The following GPN3 variants were observed in gnomAD, a reference collection of about 807,000 sequenced individuals.
GPN3 encodes the protein GPN-loop GTPase 3.
A neutral mutation model predicts 38.7 loss-of-function variants in GPN3; 31 were observed. The observed-to-expected ratio is 0.80, with a 90% confidence interval of 0.60 to 1.08. The LOEUF (loss-of-function observed/expected upper bound fraction) is 1.08. Among genes scored for constraint, GPN3 ranks in the 50% least tolerant of loss-of-function variants. The pLI is 0.00. For missense variants in GPN3, 301 were observed against 354.4 expected, an observed-to-expected ratio of 0.85 and a Z score of 1.21; for synonymous variants, 116 against 120.2, an observed-to-expected ratio of 0.96 and a Z score of 0.23.
intron 2 of GPN3, among the ~76,000 whole-genome samples, chr12:110,460,393 T>G (rs1004256088): frequency 6.6e-6 from 1 of 152,182 alleles, no homozygotes; most frequent in Non-Finnish European, 1.5e-5. Flanking sequence ...GAATATGTAT[T>G]ACCTATTCCA....
intron 2 of GPN3, chr12:110,461,251 G>A: frequency 1.5e-6 from 2 of 1,330,664 alleles, no homozygotes; most frequent in Non-Finnish European, 2.2e-6. Context: ...GTGTGCAGCT[G>A]TCCAGAAAAC....
intron 1 of GPN3, among the ~76,000 whole-genome samples, chr12:110,465,763 T>C (rs112608050): frequency 2.2e-4 from 33 of 152,198 alleles, no homozygotes; most frequent in African/African-American, 7.2e-4. Flanking sequence ...TTATCCATTA[T>C]GTAGTTGTTA....
At chr12:110,464,389 T>C (rs2062612231) in intron 2 of GPN3, among the ~76,000 whole-genome samples, 1 of 152,108 alleles carries the variant, frequency 6.6e-6, no homozygotes, top group Non-Finnish European at 1.5e-5. Context: ...GGATAATGTC[T>C]GTATTATTCT....
At chr12:110,466,739 G>A (rs2062631007) in intron 1 of GPN3, among the ~76,000 whole-genome samples, 1 of 152,108 alleles carries the variant, frequency 6.6e-6, no homozygotes, top group Non-Finnish European at 1.5e-5. Flanking sequence ...CAAGTGATCT[G>A]CTGGCCTCAG....
At chr12:110,461,105 A>G (rs2062584889) in intron 2 of GPN3, 1 of 1,402,822 alleles carries the variant, frequency 7.1e-7, no homozygotes, top group African/African-American at 1.4e-5. Context: ...GGGCTTCAAG[A>G]AGCGTGCCCC....
rs1386915424 is a variant in GPN3, at chr12:110,468,248, G to A, written c.-45C>T. On this transcript the variant is annotated 5_prime_UTR_variant, in exon 1 of 8. Transcript: ENST00000228827. Reference sequence around the variant, plus strand: ...CGCCACACTCCCTTAGCCTTCGCGCGACGCCCACTGAGCTCCGGGAAAGTG... The same window carrying A: ...CGCCACACTCCCTTAGCCTTCGCGCAACGCCCACTGAGCTCCGGGAAAGTG... 2 of 1,604,870 alleles carry A rather than the reference G, an allele frequency of 1.2e-6. No homozygotes were observed. The highest frequency in any genetic ancestry group is 2.2e-5 in the East Asian group (1 of 44,886).
At chr12:110,457,457 CAAAAAAAA>C (rs56713819) in intron 4 of GPN3, 45 bp downstream of exon 4, 146 of 590,490 alleles carry the variant, frequency 2.5e-4, no homozygotes, top group African/African-American at 6.0e-4. Flanking sequence ...GTCACACACA[CAAAAAAAA>C]AAAAAAAAAA....
At position 110,465,244 on chromosome 12, in the gene GPN3, A is replaced by G. The variant is rs1185961005; in HGVS notation, c.49-30T>C. The G allele has an allele frequency of 2.5e-6, 3 of 1,209,160 alleles. No individual in the cohort carries two copies. The African/African-American group carries it at 4.5e-5, about 18-fold the overall frequency. The allele number at this position is 1,209,160 out of a possible 1,614,324, so 74.9% of individuals were successfully genotyped here. ...AATGTCACAAGGCATGAGAGGTTAA[A>G]GCAACAGGTAGTGTAGTGCTACCTT... On this transcript the variant is annotated intron_variant, in intron 1 of 7. Coordinates refer to ENST00000228827, the MANE Select transcript of GPN3 (RefSeq NM_016301.4).
chr12:110,467,990 C>T, intron 1 of GPN3, 166 bp downstream of exon 1: 1 of 974,154 alleles, frequency 1.0e-6, no homozygotes, highest in Non-Finnish European at 1.6e-6. Context: ...CATTATTTCC[C>T]TTTCAAAACA....
chr12:110,456,444 T>C (rs1253022559), intron 4 of GPN3, among the ~76,000 whole-genome samples: 1 of 151,922 alleles, frequency 6.6e-6, no homozygotes, highest in Non-Finnish European at 1.5e-5. Context: ...TCCCAAATCA[T>C]TGGGAATCAA....
intron 6 of GPN3, among the ~76,000 whole-genome samples, chr12:110,454,979 C>T (rs147741938): frequency 3.9e-5 from 6 of 151,950 alleles, no homozygotes; most frequent in Admixed American, 6.6e-5. Context: ...TGCACCACCA[C>T]GCCTGGCTAA....
Position 110,457,558 on chromosome 12 carries a change from G to A in GPN3, c.402C>T (p.Val134=). The A allele has an allele frequency of 6.2e-7, 1 of 1,601,862 alleles. No homozygotes were observed. The highest frequency in any genetic ancestry group is 2.3e-5 in the East Asian group (1 of 44,184). The change falls in exon 4 of 8, where the codon GTC becomes GTT. Residue 134 remains valine, a synonymous_variant. Coordinates refer to ENST00000228827, the MANE Select transcript of GPN3 (RefSeq NM_016301.4). ...VQQLEQWEFR[V]CGVFLVDSQF... is the part of the protein sequence containing the mutation. ...GAGAATCAACAAGAAAAACTCCACAGACTCGGAACTCCCACTGCTCGAGCT... is the reference window on the plus strand; with the variant it reads ...GAGAATCAACAAGAAAAACTCCACAAACTCGGAACTCCCACTGCTCGAGCT...
intron 2 of GPN3, among the ~76,000 whole-genome samples, chr12:110,460,719 C>A (rs756200483): frequency 1.4e-4 from 21 of 152,166 alleles, no homozygotes; most frequent in Non-Finnish European, 2.8e-4. Context: ...GTAATCCCAG[C>A]ACTTTGGGAG....
rs199634456 is a variant in GPN3 at position 110,453,728 on chromosome 12, C to T, written c.792+15G>A. On this transcript the variant is annotated intron_variant, in intron 7 of 7. Transcript: ENST00000228827. Reference sequence around the variant, plus strand: ...TTTTATCAAAAGCTAACAAACACCCCAAACCAGAAATTACCTTTGGTTCTT... The same window carrying T: ...TTTTATCAAAAGCTAACAAACACCCTAAACCAGAAATTACCTTTGGTTCTT... 1.7e-4 allele frequency: 279 copies of T among 1,603,330 alleles called. 2 individuals carry two copies. In the Middle Eastern group the frequency reaches 3.2e-3, roughly 18 times the overall value.
Position 110,452,972 on chromosome 12 carries a change from A to C in GPN3, c.*62T>G. 1.2e-6 allele frequency: 1 copy of C among 805,322 alleles called. No homozygotes were observed. Among genetic ancestry groups the C allele is most frequent in the Non-Finnish European group, 2.3e-6 (1 of 441,928 alleles). 49.9% of individuals were successfully genotyped at this position (805,322 alleles called of 1,614,324 possible). Reference sequence around the variant, plus strand: ...AGCTTTCTACTATTGCATCCTTTGAAGAGAAGAATGTTCTGCTGGTTTGGC... The same window carrying C: ...AGCTTTCTACTATTGCATCCTTTGACGAGAAGAATGTTCTGCTGGTTTGGC... On this transcript the variant is annotated 3_prime_UTR_variant, in exon 8 of 8. Transcript: ENST00000228827.
At chr12:110,466,957 C>T (rs1277024407) in intron 1 of GPN3, among the ~76,000 whole-genome samples, 1 of 151,740 alleles carries the variant, frequency 6.6e-6, no homozygotes, top group Non-Finnish European at 1.5e-5. Context: ...AGACTGAGGC[C>T]ACACAACACC....
intron 3 of GPN3, among the ~76,000 whole-genome samples, chr12:110,459,247 T>TG (rs1330003557): frequency 6.6e-6 from 1 of 151,810 alleles, no homozygotes; most frequent in African/African-American, 2.4e-5. Flanking sequence ...TTTGTTTTTT[T>TG]TTTTTGTTTT....
chr12:110,455,935 A>T lies in GPN3; in HGVS notation c.451-5T>A. 1 of 1,440,712 alleles carries T rather than the reference A, an allele frequency of 6.9e-7. No homozygotes were observed. The highest frequency in any genetic ancestry group is 9.8e-7 in the Non-Finnish European group (1 of 1,022,406). The allele number at this position is 1,440,712 out of a possible 1,614,324, so 89.2% of individuals were successfully genotyped here. On this transcript the variant is annotated splice_polypyrimidine_tract_variant and splice_region_variant and intron_variant, in intron 4 of 7. Transcript: ENST00000228827. ...TGCCAAGATGCCAGAAATAAACTGA[A>T]GGAGGAAACAGAAAAGGGAAGATGA...
At chr12:110,457,485 A>T (rs1342011306) in intron 4 of GPN3, 25 bp downstream of exon 4, 2 of 1,234,218 alleles carry the variant, frequency 1.6e-6, no homozygotes, top group East Asian at 2.9e-5. Context: ...AAAAAAAAAA[A>T]TCTGTAAGAG....
Sources: gnomAD v4.1 joint callset for allele counts (sites outside exome capture counted in the v4.1 genomes callset) on GRCh38, gnomAD v4.1.1 for gene constraint, MANE v1.5 for transcripts, NCBI Gene and HGNC (gene_info 2026-07-23, HGNC 2026-07-21) for gene names.